PTPRD: variants seen among roughly 807,000 people sequenced by gnomAD.
The protein encoded by PTPRD is receptor-type tyrosine-protein phosphatase delta.
PTPRD carries 34 observed loss-of-function variants against 214.5 expected under a neutral mutation model. The observed-to-expected ratio is 0.16, with a 90% CI of 0.12 to 0.21. The LOEUF (loss-of-function observed/expected upper bound fraction) is 0.21, where lower values mean the gene tolerates loss of function less well. Ranked by LOEUF, PTPRD falls within the 10% of genes least tolerant of loss-of-function variation. PTPRD has a pLI of 1.00. For missense variants in PTPRD, 2,545 were observed against 2,398.7 expected (o/e 1.06, Z -1.27); for synonymous variants, 1,128 against 845.7 (o/e 1.33, Z -5.79).
chr9:8,472,890 C>A (rs2096682915), intron 30 of PTPRD, among the ~76,000 whole-genome samples: 1 of 151,962 alleles, frequency 6.6e-6, no homozygotes. Context: ...TGATCTTTGG[C>A]TTAGACCCCA....
At chr9:10,204,246 C>G (rs1326018926) in intron 3 of PTPRD, among the ~76,000 whole-genome samples, 1 of 152,044 alleles carries the variant, frequency 6.6e-6, no homozygotes, top group Non-Finnish European at 1.5e-5. Context: ...ACGTGAAAAT[C>G]TCTTTGGGTT....
intron 10 of PTPRD, among the ~76,000 whole-genome samples, chr9:9,071,250 C>A (rs972318878): frequency 6.6e-6 from 1 of 152,144 alleles, no homozygotes; most frequent in African/African-American, 2.4e-5. Flanking sequence ...GTAATCAATG[C>A]TCTCCCCTTG....
chr9:8,822,859 C>A lies in PTPRD; in HGVS notation c.-103-88913G>T, dbSNP rs569932414. On this transcript the variant is annotated intron_variant, in intron 11 of 45. Transcript: ENST00000381196. ...GTGCTGCAGTCATTTACTTAAGCTA[C>A]GGCAATTTAACAGGTTAGAAAGCAG... is the stretch of plus-strand genomic sequence containing the variant. Among the ~76,000 whole-genome samples, 10 of 152,124 alleles carry A rather than the reference C, an allele frequency of 6.6e-5. 1 individual carries two copies. The highest frequency in any genetic ancestry group is 2.4e-4 in the African/African-American group (10 of 41,520).
chr9:8,553,959 T>C (rs1436539815), intron 14 of PTPRD, among the ~76,000 whole-genome samples: 3 of 151,748 alleles, frequency 2.0e-5, no homozygotes, highest in East Asian at 1.9e-4. Flanking sequence ...GAGGCTGAGG[T>C]GGGCAGATCA....
At chr9:10,358,801 T>C (rs992708194) in intron 2 of PTPRD, among the ~76,000 whole-genome samples, 2 of 151,984 alleles carry the variant, frequency 1.3e-5, no homozygotes, top group African/African-American at 4.8e-5. Flanking sequence ...TTAAAATAAG[T>C]CCACTAAAAT....
At chr9:9,413,859 T>C (rs2076241146) in intron 8 of PTPRD, among the ~76,000 whole-genome samples, 1 of 152,206 alleles carries the variant, frequency 6.6e-6, no homozygotes, top group African/African-American at 2.4e-5. Flanking sequence ...TGACAGGTGG[T>C]ATTATATTTC....
intron 7 of PTPRD, among the ~76,000 whole-genome samples, chr9:9,690,137 A>G (rs1382651982): frequency 1.3e-5 from 2 of 152,024 alleles, no homozygotes; most frequent in African/African-American, 4.8e-5. Context: ...CTTTCTCTAC[A>G]TTCTCTCCAG....
intron 3 of PTPRD, among the ~76,000 whole-genome samples, chr9:10,170,171 G>C (rs2099191985): frequency 6.6e-6 from 1 of 152,124 alleles, no homozygotes; most frequent in African/African-American, 2.4e-5. Flanking sequence ...CAAAACTTCT[G>C]GAAGCAGTAG....
intron 45 of PTPRD, among the ~76,000 whole-genome samples, chr9:8,318,576 C>T (rs1823943824): frequency 1.3e-5 from 2 of 152,024 alleles, no homozygotes; most frequent in South Asian, 4.2e-4. Flanking sequence ...GCACACCAGG[C>T]ACACAAATCC....
At chr9:9,097,497 C>T (rs764691194) in intron 10 of PTPRD, among the ~76,000 whole-genome samples, 10 of 151,816 alleles carry the variant, frequency 6.6e-5, no homozygotes, top group South Asian at 2.1e-4. Flanking sequence ...CAAGCTCTGC[C>T]GCCCGGATTC....
intron 39 of PTPRD, among the ~76,000 whole-genome samples, chr9:8,353,962 A>T (rs1192996868): frequency 0.018 from 691 of 39,334 alleles, 35 homozygotes; most frequent in Non-Finnish European, 0.046. Context: ...ATATATATAT[A>T]TGTTTTTTTT....
intron 12 of PTPRD, among the ~76,000 whole-genome samples, chr9:8,661,428 T>C (rs1264374112): frequency 2.0e-5 from 3 of 152,046 alleles, no homozygotes; most frequent in African/African-American, 7.3e-5. Context: ...GGCAGTACTA[T>C]GCCTGACATA....
At chr9:8,607,139 T>C (rs564194872) in intron 14 of PTPRD, among the ~76,000 whole-genome samples, 1 of 152,270 alleles carries the variant, frequency 6.6e-6, no homozygotes, top group African/African-American at 2.4e-5. Context: ...ATAGTTAATA[T>C]TATATTCTTG....
chr9:8,804,498 T>C (rs2096635111), intron 11 of PTPRD, among the ~76,000 whole-genome samples: 1 of 151,994 alleles, frequency 6.6e-6, no homozygotes, highest in African/African-American at 2.4e-5. Context: ...CCTGGGAGGC[T>C]GGGACGGGAG....
chr9:8,355,556 T>C (rs551642112), intron 39 of PTPRD, among the ~76,000 whole-genome samples: 25 of 152,292 alleles, frequency 1.6e-4, no homozygotes, highest in African/African-American at 5.3e-4. Flanking sequence ...TTGCCTCTCA[T>C]GCAGAATAAT....
chr9:10,100,765 T>C (rs745679266), intron 3 of PTPRD, among the ~76,000 whole-genome samples: 3 of 151,674 alleles, frequency 2.0e-5, no homozygotes, highest in Non-Finnish European at 4.4e-5. Flanking sequence ...TGACATGCAT[T>C]GTCTTACTTT....
At chr9:9,480,735 G>C (rs1316833145) in intron 8 of PTPRD, among the ~76,000 whole-genome samples, 2 of 151,790 alleles carry the variant, frequency 1.3e-5, no homozygotes, top group African/African-American at 2.4e-5. Context: ...TTTTATTTAG[G>C]ATGCAATAGT....
chr9:8,344,635 C>A (rs562803073), intron 39 of PTPRD, among the ~76,000 whole-genome samples: 51 of 151,998 alleles, frequency 3.4e-4, no homozygotes, highest in African/African-American at 1.2e-3. Flanking sequence ...AAGGAGCTGA[C>A]GTTTGGAACT....
At chr9:8,922,899 G>T (rs2098837661) in intron 11 of PTPRD, among the ~76,000 whole-genome samples, 1 of 150,484 alleles carries the variant, frequency 6.6e-6, no homozygotes, top group Admixed American at 6.7e-5. Context: ...TCCTGACCTT[G>T]TGATCCACCC....
Sources: allele counts gnomAD v4.1 joint callset (sites outside exome capture counted in the v4.1 genomes callset), GRCh38; gene constraint gnomAD v4.1.1; transcripts MANE v1.5; gene names NCBI Gene and HGNC (gene_info 2026-07-23, HGNC 2026-07-21).